OPCML: variants seen among roughly 807,000 people sequenced by gnomAD.
The protein encoded by OPCML is opioid binding protein/cell adhesion molecule like.
A neutral mutation model predicts 37.8 loss-of-function variants in OPCML; 13 were observed. The ratio of observed to expected loss-of-function variants is 0.34; its 90% CI spans 0.22 to 0.55. The LOEUF is 0.55. OPCML is among the 20% of genes least tolerant of loss of function. The pLI is 0.91. For missense variants in OPCML, 341 were observed against 435.6 expected (o/e 0.78, Z 1.93); for synonymous variants, 176 against 168.8 (o/e 1.04, Z -0.33).
rs182526701 is a variant in OPCML at position 132,863,138 on chromosome 11, G to A, written c.146+79788C>T. On this transcript the variant is annotated intron_variant, in intron 2 of 7. Coordinates refer to ENST00000524381, the MANE Select transcript of OPCML (RefSeq NM_001012393.5). ...TGCCTGTAGCTACATGGCATGGGGC[G>A]TGATCAGACCCTTCCTGCCTGTAGC... Among the ~76,000 whole-genome samples the A allele has an allele frequency of 8.8e-4, 134 of 152,136 alleles. 2 individuals are homozygous for A. Among genetic ancestry groups the A allele is most frequent in the Non-Finnish European group, 1.7e-3 (113 of 67,998 alleles).
intron 1 of OPCML, among the ~76,000 whole-genome samples, chr11:133,397,168 G>A (rs1391405405): frequency 6.6e-6 from 1 of 152,202 alleles, no homozygotes; most frequent in African/African-American, 2.4e-5. Context: ...GAATGTGAGT[G>A]GAGAGGGGAT....
At chr11:132,678,250 G>C (rs7933936) in intron 2 of OPCML, among the ~76,000 whole-genome samples, 2,678 of 152,270 alleles carry the variant, frequency 0.018, 66 homozygotes, top group African/African-American at 0.051. Context: ...ACAACAAATG[G>C]TGACAAGGAT....
intron 1 of OPCML, among the ~76,000 whole-genome samples, chr11:133,457,928 TGA>T (rs1320653008): frequency 6.6e-6 from 1 of 152,004 alleles, no homozygotes. Context: ...AGGTGGGTCA[TGA>T]GGTCAGGAGT....
intron 1 of OPCML, among the ~76,000 whole-genome samples, chr11:133,405,583 AG>A (rs1486875467): frequency 5.3e-5 from 8 of 152,156 alleles, no homozygotes; most frequent in Non-Finnish European, 1.5e-5. Flanking sequence ...AAATCTGCTG[AG>A]CTCTTCCTTC....
intron 1 of OPCML, among the ~76,000 whole-genome samples, chr11:133,456,116 G>A (rs1249459287): frequency 6.6e-6 from 1 of 152,220 alleles, no homozygotes; most frequent in East Asian, 1.9e-4. Context: ...GTACTGTGGT[G>A]TGTAAAATGT....
intron 1 of OPCML, among the ~76,000 whole-genome samples, chr11:133,181,464 T>C (rs111875606): frequency 6.9e-6 from 1 of 145,850 alleles, no homozygotes; most frequent in African/African-American, 2.8e-5. Flanking sequence ...TAGTGAACTT[T>C]AAAAAAAAAT....
At chr11:133,322,942 C>T (rs998280368) in intron 1 of OPCML, among the ~76,000 whole-genome samples, 2 of 152,202 alleles carry the variant, frequency 1.3e-5, no homozygotes, top group Admixed American at 1.3e-4. Context: ...TCAACATCTA[C>T]TTGCACAAGA....
At position 132,776,939 on chromosome 11, in the gene OPCML, T is replaced by C. The variant is rs1591595104; in HGVS notation, c.147-119620A>G. ...ATCAAAGGCCAGAGGGATCACTGCA[T>C]TAGCCCCATCATCACCAAAGGAACT... On this transcript the variant is annotated intron_variant, in intron 2 of 7. Coordinates refer to ENST00000524381, the MANE Select transcript of OPCML (RefSeq NM_001012393.5). Among the ~76,000 whole-genome samples, 2 of 152,156 alleles carry C rather than the reference T, an allele frequency of 1.3e-5. 1 individual carries two copies. The highest frequency in any genetic ancestry group is 3.9e-4 in the East Asian group (2 of 5,124).
At chr11:133,415,827 C>T (rs1197819749) in intron 1 of OPCML, among the ~76,000 whole-genome samples, 2 of 149,932 alleles carry the variant, frequency 1.3e-5, no homozygotes. Context: ...CTCTTTACTG[C>T]CCCGTGATAC....
chr11:133,239,016 A>G (rs1294504791), intron 1 of OPCML, among the ~76,000 whole-genome samples: 1 of 152,172 alleles, frequency 6.6e-6, no homozygotes, highest in Admixed American at 6.5e-5. Context: ...GGGACAGAGT[A>G]GCAACCGGTG....
chr11:133,234,907 C>G (rs538133434), intron 1 of OPCML, among the ~76,000 whole-genome samples: 4 of 152,214 alleles, frequency 2.6e-5, no homozygotes, highest in South Asian at 2.1e-4. Flanking sequence ...TCTGGCCAAG[C>G]CTATTTCCAT....
chr11:132,947,307 C>G (rs907801733), intron 1 of OPCML, among the ~76,000 whole-genome samples: 1 of 152,174 alleles, frequency 6.6e-6, no homozygotes, highest in Non-Finnish European at 1.5e-5. Flanking sequence ...ATTTTCTTAA[C>G]AATATATAAT....
intron 1 of OPCML, among the ~76,000 whole-genome samples, chr11:133,489,479 G>A (rs1947606198): frequency 6.6e-6 from 1 of 152,118 alleles, no homozygotes; most frequent in Non-Finnish European, 1.5e-5. Context: ...CATATTAAAA[G>A]TGCTGAACAT....
intron 2 of OPCML, among the ~76,000 whole-genome samples, chr11:132,805,731 A>C (rs1938964809): frequency 6.6e-6 from 1 of 152,220 alleles, no homozygotes; most frequent in Non-Finnish European, 1.5e-5. Context: ...AGGCTTAGAA[A>C]ATTTGTTGAC....
intron 1 of OPCML, among the ~76,000 whole-genome samples, chr11:133,491,259 G>T (rs886612886): frequency 6.6e-6 from 1 of 152,084 alleles, no homozygotes; most frequent in Admixed American, 6.5e-5. Flanking sequence ...CAGGGCTCAC[G>T]TCCCACCTAT....
At chr11:132,917,911 A>G (rs1944659738) in intron 2 of OPCML, among the ~76,000 whole-genome samples, 1 of 152,198 alleles carries the variant, frequency 6.6e-6, no homozygotes, top group Admixed American at 6.5e-5. Flanking sequence ...GGGTCTTTAT[A>G]CAGAAAACAA....
At chr11:133,273,561 CT>C (rs34439474) in intron 1 of OPCML, among the ~76,000 whole-genome samples, 7,791 of 151,714 alleles carry the variant, frequency 0.051, 228 homozygotes, top group Middle Eastern at 0.072. Flanking sequence ...GAGACAGAAG[CT>C]TTTTTTTTCT....
At position 132,424,458 on chromosome 11, in the gene OPCML, C is replaced by T. The variant is rs558309142; in HGVS notation, c.917-4165G>A. Among the ~76,000 whole-genome samples the T allele has an allele frequency of 8.5e-5, 13 of 152,238 alleles. No homozygotes were observed. The East Asian group carries it at 2.5e-3, about 30-fold the overall frequency. On this transcript the variant is annotated intron_variant, in intron 7 of 7. Coordinates refer to ENST00000524381, the MANE Select transcript of OPCML (RefSeq NM_001012393.5). ...TAATGACATATTCTATTCCAGAAAA[C>T]TGATGCTAAAATGCACCCGGATAAA...
intron 1 of OPCML, among the ~76,000 whole-genome samples, chr11:133,132,219 T>A (rs956714203): frequency 6.6e-6 from 1 of 152,210 alleles, no homozygotes; most frequent in African/African-American, 2.4e-5. Flanking sequence ...CATTGGCAGA[T>A]GATTTGAAAA....
Sources: allele counts gnomAD v4.1 joint callset (sites outside exome capture counted in the v4.1 genomes callset), GRCh38; gene constraint gnomAD v4.1.1; transcripts MANE v1.5; gene names NCBI Gene and HGNC (gene_info 2026-07-23, HGNC 2026-07-21).